Variants in PDE3A observed in about 807,000 individuals in gnomAD.
PDE3A encodes the protein phosphodiesterase 3A.
PDE3A carries 43 observed loss-of-function variants against 98.3 expected under a neutral mutation model. The observed-to-expected ratio is 0.44, with a 90% CI of 0.34 to 0.56. The LOEUF is 0.56. PDE3A is among the 20% of genes least tolerant of loss of function. The pLI is 0.01. For synonymous variants in PDE3A, 663 were observed against 567.9 expected (o/e 1.17, Z -2.38); for missense variants, 1,427 against 1,440.7 (o/e 0.99, Z 0.15).
rs188474931 is a variant in PDE3A, at chr12:20,642,227, C to T, written c.2251+2270C>T. ...ATTATAGTTCTAAGTGTACCTTTAACGGTTTTCAAGAAAAGAGGGTAAGTA... is the reference window on the plus strand; with the variant it reads ...ATTATAGTTCTAAGTGTACCTTTAATGGTTTTCAAGAAAAGAGGGTAAGTA... On this transcript the variant is annotated intron_variant, in intron 10 of 15. Coordinates refer to ENST00000359062, the MANE Select transcript of PDE3A (RefSeq NM_000921.5). Among the ~76,000 whole-genome samples, 22 of 152,052 alleles carry T rather than the reference C, an allele frequency of 1.4e-4. No individual in the cohort carries two copies. In the East Asian group the frequency reaches 1.9e-3, roughly 13 times the overall value.
At chr12:20,463,883 T>C (rs79545611) in intron 1 of PDE3A, among the ~76,000 whole-genome samples, 6,132 of 152,278 alleles carry the variant, frequency 0.04, 170 homozygotes, top group South Asian at 0.069. Flanking sequence ...ATGTATTGTA[T>C]ATGCGTGTGT....
chr12:20,659,427 A>T (rs1945110333), intron 15 of PDE3A, among the ~76,000 whole-genome samples: 1 of 151,966 alleles, frequency 6.6e-6, no homozygotes, highest in Non-Finnish European at 1.5e-5. Flanking sequence ...CCCCCATAGA[A>T]ATTGGCTTTT....
At chr12:20,586,067 A>G (rs1943189332) in intron 2 of PDE3A, among the ~76,000 whole-genome samples, 1 of 152,216 alleles carries the variant, frequency 6.6e-6, no homozygotes, top group South Asian at 2.1e-4. Flanking sequence ...GAGGAGGGTA[A>G]TAGCTGGAGT....
chr12:20,523,062 C>G (rs6487102), intron 1 of PDE3A, among the ~76,000 whole-genome samples: 145,884 of 151,888 alleles, frequency 0.96, 70,099 homozygotes, highest in East Asian at 1. Context: ...TATACCTGGG[C>G]GGTGGGGTGG....
At chr12:20,376,748 A>G (rs1361471752) in intron 1 of PDE3A, among the ~76,000 whole-genome samples, 1 of 151,770 alleles carries the variant, frequency 6.6e-6, no homozygotes, top group Non-Finnish European at 1.5e-5. Context: ...AATTTTTTTC[A>G]CCTGTTATTT....
chr12:20,517,205 T>C (rs1337392198), intron 1 of PDE3A, among the ~76,000 whole-genome samples: 3 of 152,222 alleles, frequency 2.0e-5, no homozygotes, highest in African/African-American at 2.4e-5. Flanking sequence ...GTTGTACTTG[T>C]TATCATTAGT....
At chr12:20,601,739 G>GACTT (rs1399900399) in intron 2 of PDE3A, among the ~76,000 whole-genome samples, 1 of 151,096 alleles carries the variant, frequency 6.6e-6, no homozygotes, top group African/African-American at 2.4e-5. Context: ...TCTACCAGCA[G>GACTT]ACTTATGTAA....
chr12:20,479,994 T>C (rs1782391197), intron 1 of PDE3A, among the ~76,000 whole-genome samples: 1 of 152,200 alleles, frequency 6.6e-6, no homozygotes, highest in Non-Finnish European at 1.5e-5. Flanking sequence ...TCTGAGTTCT[T>C]TTCATCACTG....
chr12:20,588,014 G>C (rs1463444651), intron 2 of PDE3A, among the ~76,000 whole-genome samples: 3 of 152,194 alleles, frequency 2.0e-5, no homozygotes, highest in Non-Finnish European at 4.4e-5. Context: ...ATAAAAAATA[G>C]AGAAAATCTT....
chr12:20,406,852 G>C (rs1378436464), intron 1 of PDE3A, among the ~76,000 whole-genome samples: 1 of 152,064 alleles, frequency 6.6e-6, no homozygotes, highest in Admixed American at 6.6e-5. Flanking sequence ...TAAGTCTTTA[G>C]TTCATTTTGA....
chr12:20,495,911 AAG>A (rs1322475829), intron 1 of PDE3A, among the ~76,000 whole-genome samples: 1 of 152,328 alleles, frequency 6.6e-6, no homozygotes, highest in African/African-American at 2.4e-5. Context: ...GTTCATCAAA[AAG>A]AGAGAGGAGT....
intron 1 of PDE3A, among the ~76,000 whole-genome samples, chr12:20,391,456 AG>A (rs1943913785): frequency 6.7e-6 from 1 of 150,272 alleles, no homozygotes; most frequent in South Asian, 2.1e-4. Context: ...CTCTGGATCA[AG>A]GGTCCGGAAG....
At chr12:20,590,948 G>C (rs1045709512) in intron 2 of PDE3A, among the ~76,000 whole-genome samples, 8 of 152,170 alleles carry the variant, frequency 5.3e-5, no homozygotes, top group African/African-American at 1.7e-4. Flanking sequence ...CTAGCTCCCT[G>C]TCCACTTCGA....
At chr12:20,470,708 G>T (rs558824708) in intron 1 of PDE3A, among the ~76,000 whole-genome samples, 1 of 152,128 alleles carries the variant, frequency 6.6e-6, no homozygotes, top group Admixed American at 6.5e-5. Flanking sequence ...CACGAATCTT[G>T]AATAAGCATC....
At chr12:20,582,970 G>T (rs183450423) in intron 2 of PDE3A, among the ~76,000 whole-genome samples, 1 of 152,196 alleles carries the variant, frequency 6.6e-6, no homozygotes, top group Admixed American at 6.5e-5. Flanking sequence ...TGAATTCCAA[G>T]GAACAATTTA....
intron 1 of PDE3A, among the ~76,000 whole-genome samples, chr12:20,535,937 T>C (rs370002090): frequency 6.6e-6 from 1 of 152,110 alleles, no homozygotes; most frequent in East Asian, 1.9e-4. Flanking sequence ...CTAGGTGAAC[T>C]ATAGTTTAAA....
chr12:20,527,549 T>C (rs1946547604), intron 1 of PDE3A, among the ~76,000 whole-genome samples: 4 of 152,314 alleles, frequency 2.6e-5, no homozygotes, highest in Middle Eastern at 3.4e-3. Context: ...TTTCTTGGCA[T>C]CTTTCCGCTG....
At chr12:20,448,240 G>C (rs1391478643) in intron 1 of PDE3A, among the ~76,000 whole-genome samples, 1 of 152,082 alleles carries the variant, frequency 6.6e-6, no homozygotes, top group Non-Finnish European at 1.5e-5. Flanking sequence ...AGGATTTCGA[G>C]ACCAGCCTGG....
Position 20,425,761 on chromosome 12 carries a change from G to T in PDE3A, c.960+55517G>T, listed in dbSNP as rs553989332. ...ATGATATTATATTACTTTCCCAAGT[G>T]TCTGGCACTATGCGTATTTCACCAA... On this transcript the variant is annotated intron_variant, in intron 1 of 15. Coordinates refer to ENST00000359062, the MANE Select transcript of PDE3A (RefSeq NM_000921.5). Among the ~76,000 whole-genome samples, 53 of 152,152 alleles carry T rather than the reference G, an allele frequency of 3.5e-4. 1 individual carries two copies. Among genetic ancestry groups the T allele is most frequent in the Non-Finnish European group, 6.8e-4 (46 of 68,028 alleles).
Sources: allele counts gnomAD v4.1 joint callset (sites outside exome capture counted in the v4.1 genomes callset), GRCh38; gene constraint gnomAD v4.1.1; transcripts MANE v1.5; gene names NCBI Gene and HGNC (gene_info 2026-07-23, HGNC 2026-07-21).